CFAP61: variants seen among roughly 807,000 people sequenced by gnomAD.
CFAP61 encodes cilia and flagella associated protein 61.
A neutral mutation model predicts 135.6 loss-of-function variants in CFAP61; 107 were observed. That is an observed-to-expected ratio of 0.79 (90% CI 0.67 to 0.93). The LOEUF (loss-of-function observed/expected upper bound fraction) is 0.93. Among genes scored for constraint, CFAP61 ranks in the 40% least tolerant of loss-of-function variants. The pLI, the probability that CFAP61 is intolerant of heterozygous loss-of-function variation, is 0.00. For missense variants in CFAP61, 1,507 were observed against 1,556.2 expected (o/e 0.97, Z 0.53); for synonymous variants, 575 against 578.5 (o/e 0.99, Z 0.09).
At chr20:20,190,162 A>G (rs1448937430) in intron 14 of CFAP61, among the ~76,000 whole-genome samples, 1 of 152,220 alleles carries the variant, frequency 6.6e-6, no homozygotes, top group Non-Finnish European at 1.5e-5. Context: ...TGATCCAGAG[A>G]AATGAAGAGT....
At chr20:20,272,820 C>T (rs948377488) in intron 21 of CFAP61, among the ~76,000 whole-genome samples, 19 of 152,162 alleles carry the variant, frequency 1.2e-4, no homozygotes, top group Admixed American at 9.2e-4. Context: ...TTCCTTCCTT[C>T]CCCATATCTC....
At chr20:20,269,215 A>G (rs909974253) in intron 21 of CFAP61, among the ~76,000 whole-genome samples, 4 of 143,288 alleles carry the variant, frequency 2.8e-5, no homozygotes, top group Admixed American at 2.1e-4. Context: ...ATATATACAC[A>G]TATATACATA....
intron 8 of CFAP61, among the ~76,000 whole-genome samples, chr20:20,104,839 C>G (rs2048263012): frequency 6.6e-6 from 1 of 152,214 alleles, no homozygotes; most frequent in South Asian, 2.1e-4. Flanking sequence ...CTCCCCATGT[C>G]TTCACAGGGT....
intron 9 of CFAP61, among the ~76,000 whole-genome samples, chr20:20,156,787 G>C (rs868245288): frequency 1.3e-5 from 2 of 152,250 alleles, no homozygotes; most frequent in Middle Eastern, 3.4e-3. Flanking sequence ...GATTAAATCT[G>C]ACGAAAGATA....
intron 10 of CFAP61, among the ~76,000 whole-genome samples, chr20:20,162,220 C>T (rs1011711824): frequency 3.3e-5 from 5 of 152,134 alleles, no homozygotes; most frequent in Non-Finnish European, 5.9e-5. Context: ...CCTATGATTC[C>T]TCTGGGCCCA....
chr20:20,108,172 A>C (rs1053618865), intron 8 of CFAP61, among the ~76,000 whole-genome samples: 1 of 152,202 alleles, frequency 6.6e-6, no homozygotes, highest in Non-Finnish European at 1.5e-5. Flanking sequence ...TGTAATGAGC[A>C]CTCAGATTTT....
At chr20:20,198,445 C>T (rs2056429761) in intron 16 of CFAP61, among the ~76,000 whole-genome samples, 1 of 152,142 alleles carries the variant, frequency 6.6e-6, no homozygotes, top group African/African-American at 2.4e-5. Context: ...GAATATGTTC[C>T]ACACTGTTGT....
intron 8 of CFAP61, among the ~76,000 whole-genome samples, chr20:20,122,472 T>C (rs998202087): frequency 6.6e-6 from 1 of 152,214 alleles, no homozygotes; most frequent in African/African-American, 2.4e-5. Flanking sequence ...TTCTTATGCC[T>C]TTGTGTTCTC....
At chr20:20,323,256 G>A (rs954196409) in intron 25 of CFAP61, 103 of 985,264 alleles carry the variant, frequency 1.0e-4, no homozygotes, top group South Asian at 3.3e-4. Context: ...TTCAGCCTTC[G>A]TCTTCGATTT....
At chr20:20,322,707 T>C in intron 25 of CFAP61, 1 of 985,448 alleles carries the variant, frequency 1.0e-6, no homozygotes, top group Non-Finnish European at 1.2e-6. Context: ...CTCAGAGTTC[T>C]GGCATCTTCC....
intron 11 of CFAP61, among the ~76,000 whole-genome samples, 154 bp from the exon 12 acceptor site, chr20:20,166,243 C>T (rs1381602754): frequency 2.6e-5 from 4 of 152,204 alleles, no homozygotes; most frequent in Non-Finnish European, 4.4e-5. Context: ...AAGCTTGCGA[C>T]TTATGCACCC....
chr20:20,248,423 C>T (rs749972836), intron 19 of CFAP61, among the ~76,000 whole-genome samples: 1 of 152,144 alleles, frequency 6.6e-6, no homozygotes, highest in Admixed American at 6.5e-5. Context: ...TAATTTTGAA[C>T]TTGTCGTTAA....
intron 13 of CFAP61, among the ~76,000 whole-genome samples, chr20:20,177,300 T>C (rs1321429876): frequency 7.1e-6 from 1 of 140,850 alleles, no homozygotes; most frequent in African/African-American, 2.7e-5. Context: ...ATGAGAATGC[T>C]TTCATTTGGA....
At chr20:20,286,501 C>G (rs1299168984) in intron 22 of CFAP61, among the ~76,000 whole-genome samples, 1 of 152,214 alleles carries the variant, frequency 6.6e-6, no homozygotes, top group Admixed American at 6.5e-5. Flanking sequence ...CTGACTCCCA[C>G]CCTTCTCCCT....
intron 9 of CFAP61, among the ~76,000 whole-genome samples, chr20:20,149,824 TTGAC>T (rs2052243046): frequency 6.6e-6 from 1 of 152,124 alleles, no homozygotes; most frequent in Non-Finnish European, 1.5e-5. Flanking sequence ...TGTAATAATT[TTGAC>T]TGGCCACAAA....
At chr20:20,274,617 C>T (rs895628950) in intron 21 of CFAP61, among the ~76,000 whole-genome samples, 4 of 151,872 alleles carry the variant, frequency 2.6e-5, no homozygotes, top group Admixed American at 6.6e-5. Flanking sequence ...GCTGAGATCG[C>T]GCCACTGCAC....
chr20:20,176,689 C>T lies in CFAP61; in HGVS notation c.1385+7229C>T, dbSNP rs1485211274. ...CATGAACACATGCGGGGGCCGGGAGCGGGGAACAACACACATTGGGGCCTG... is the reference window on the plus strand; with the variant it reads ...CATGAACACATGCGGGGGCCGGGAGTGGGGAACAACACACATTGGGGCCTG... On this transcript the variant is annotated intron_variant, in intron 13 of 26. Coordinates refer to ENST00000245957, the MANE Select transcript of CFAP61 (RefSeq NM_015585.4). Among the ~76,000 whole-genome samples the T allele has an allele frequency of 3.3e-5, 5 of 151,696 alleles. No individual in the cohort carries two copies. In the East Asian group the frequency reaches 7.7e-4, roughly 23 times the overall value.
At chr20:20,312,586 T>C (rs538896385) in intron 25 of CFAP61, among the ~76,000 whole-genome samples, 1 of 152,130 alleles carries the variant, frequency 6.6e-6, no homozygotes, top group South Asian at 2.1e-4. Context: ...AACTCACAAA[T>C]CTGAGAAGCT....
At chr20:20,193,776 G>A (rs1422941496) in intron 15 of CFAP61, among the ~76,000 whole-genome samples, 1 of 152,016 alleles carries the variant, frequency 6.6e-6, no homozygotes, top group Non-Finnish European at 1.5e-5. Flanking sequence ...ACCACGCACG[G>A]CTAATTTTTG....
Sources: allele counts gnomAD v4.1 joint callset (sites outside exome capture counted in the v4.1 genomes callset), GRCh38; gene constraint gnomAD v4.1.1; transcripts MANE v1.5; gene names NCBI Gene and HGNC (gene_info 2026-07-23, HGNC 2026-07-21).